The following WWOX variants were observed in gnomAD, a reference collection of about 807,000 sequenced individuals.
WWOX encodes WW domain containing oxidoreductase.
WWOX carries 69 observed loss-of-function variants against 46.2 expected under a neutral mutation model. The observed-to-expected ratio is 1.49, with a 90% CI of 1.23 to 1.82. WWOX has a LOEUF of 1.82. Among genes scored for constraint, WWOX ranks in the 40% most tolerant of loss-of-function variants. WWOX has a pLI of 0.00. For missense variants in WWOX, 919 were observed against 542.6 expected, an observed-to-expected ratio of 1.69 and a Z score of -6.89; for synonymous variants, 359 against 202.6, an observed-to-expected ratio of 1.77 and a Z score of -6.56.
intron 5 of WWOX, among the ~76,000 whole-genome samples, chr16:78,321,303 CG>C (rs2080464869): frequency 1.4e-5 from 1 of 73,558 alleles, no homozygotes; most frequent in Non-Finnish European, 3.1e-5. Context: ...TATATATATA[CG>C]TATATATATG....
At position 78,271,201 on chromosome 16, in the gene WWOX, C is replaced by T. The variant is rs545185310; in HGVS notation, c.516+106912C>T. Among the ~76,000 whole-genome samples the T allele has an allele frequency of 3.9e-5, 6 of 152,194 alleles. No individual in the cohort carries two copies. In the East Asian group the frequency reaches 5.8e-4, roughly 15 times the overall value. The stretch of plus-strand genomic sequence containing the variant: ...TTAAAACAATTACCTTTGATGATTT[C>T]GTATGTTATCCCATTCACAGATGGT... On this transcript the variant is annotated intron_variant, in intron 5 of 8. Transcript: ENST00000566780.
At chr16:78,390,341 A>G (rs928052536) in intron 6 of WWOX, among the ~76,000 whole-genome samples, 1 of 152,240 alleles carries the variant, frequency 6.6e-6, no homozygotes, top group Non-Finnish European at 1.5e-5. Context: ...TTGGGAAATC[A>G]TCAAGTTCAA....
chr16:78,310,435 G>T (rs1415430535), intron 5 of WWOX, among the ~76,000 whole-genome samples: 1 of 152,238 alleles, frequency 6.6e-6, no homozygotes, highest in African/African-American at 2.4e-5. Flanking sequence ...TCCTTGGGAA[G>T]CTAATTTGTT....
chr16:78,325,998 T>C lies in WWOX; in HGVS notation c.517-60862T>C, dbSNP rs182805508. Among the ~76,000 whole-genome samples, 200 of 152,332 alleles carry C rather than the reference T, an allele frequency of 1.3e-3. 1 individual carries two copies. The highest frequency in any genetic ancestry group is 1.2e-3 in the Non-Finnish European group (82 of 68,034). The stretch of plus-strand genomic sequence containing the variant: ...GCCCTTGTGACATGATAGGGCTCTT[T>C]TGCAGATGAGGAAATGCAGGCTCAG... On this transcript the variant is annotated intron_variant, in intron 5 of 8. Coordinates refer to ENST00000566780, the MANE Select transcript of WWOX (RefSeq NM_016373.4).
chr16:78,314,498 C>G (rs7195347), intron 5 of WWOX, among the ~76,000 whole-genome samples: 63,354 of 147,514 alleles, frequency 0.43, 14,169 homozygotes, highest in East Asian at 0.73. Context: ...CCAAGTCCAC[C>G]TCTATCAGGA....
chr16:78,916,654 C>G (rs532657168), intron 8 of WWOX, among the ~76,000 whole-genome samples: 2 of 152,296 alleles, frequency 1.3e-5, no homozygotes, highest in East Asian at 1.9e-4. Context: ...GTCATTCTGT[C>G]TGTTAGTAAA....
rs1459842559 is a variant in WWOX, at chr16:78,823,236, GC to G, written c.1057-388370del. Among the ~76,000 whole-genome samples, 3 of 152,326 alleles carry G rather than the reference GC, an allele frequency of 2.0e-5. No homozygotes were observed. In the East Asian group the frequency reaches 5.8e-4, roughly 29 times the overall value. ...GCCTTGGATGGTGCTGTATAGAAAT[GC>G]CTTAATGATGCTGGCAGATGTTTGC... On this transcript the variant is annotated intron_variant, in intron 8 of 8. Coordinates refer to ENST00000566780, the MANE Select transcript of WWOX (RefSeq NM_016373.4).
chr16:78,232,025 T>C lies in WWOX; in HGVS notation c.516+67736T>C, dbSNP rs539828982. ...GGATGTACCTGTGAATAAGGCAAGT[T>C]CCTTTTTATCATTGTCTTTGCAGTC... On this transcript the variant is annotated intron_variant, in intron 5 of 8. Transcript: ENST00000566780. Among the ~76,000 whole-genome samples the C allele has an allele frequency of 4.3e-4, 66 of 152,200 alleles. 1 individual carries two copies. Among genetic ancestry groups the C allele is most frequent in the Admixed American group, 1.9e-3 (29 of 15,284 alleles).
At chr16:78,376,561 C>T (rs1208075697) in intron 5 of WWOX, among the ~76,000 whole-genome samples, 2 of 152,120 alleles carry the variant, frequency 1.3e-5, no homozygotes, top group African/African-American at 4.8e-5. Context: ...TTGGGGTGAA[C>T]CGAAGTGCCT....
intron 8 of WWOX, among the ~76,000 whole-genome samples, chr16:78,752,534 G>C (rs1007972684): frequency 6.6e-6 from 1 of 152,184 alleles, no homozygotes; most frequent in East Asian, 1.9e-4. Flanking sequence ...GCTTCCCAAA[G>C]TGCTGAGATT....
At chr16:78,849,210 C>T (rs898457225) in intron 8 of WWOX, among the ~76,000 whole-genome samples, 1 of 152,154 alleles carries the variant, frequency 6.6e-6, no homozygotes, top group African/African-American at 2.4e-5. Context: ...TGGGAGCACT[C>T]ACCTTTGGGC....
intron 8 of WWOX, among the ~76,000 whole-genome samples, chr16:78,516,076 A>G (rs1181855479): frequency 6.6e-6 from 1 of 151,620 alleles, no homozygotes; most frequent in Non-Finnish European, 1.5e-5. Context: ...TGCTCATCCC[A>G]ATTATTGAAA....
At chr16:78,501,661 C>T (rs1341730651) in intron 8 of WWOX, among the ~76,000 whole-genome samples, 2 of 151,980 alleles carry the variant, frequency 1.3e-5, no homozygotes, top group Non-Finnish European at 1.5e-5. Context: ...CTCAGCCTTC[C>T]GAGTAACTAG....
chr16:78,859,027 AATATATATATATATATATATATG>A (rs1463941488), intron 8 of WWOX, among the ~76,000 whole-genome samples: 4 of 23,688 alleles, frequency 1.7e-4, no homozygotes, highest in Admixed American at 6.6e-4. Context: ...AAAAAAAAAA[AATATATATATATATATATATATG>A]TATATATATA....
chr16:79,183,390 A>G (rs954908089), intron 8 of WWOX, among the ~76,000 whole-genome samples: 12 of 152,252 alleles, frequency 7.9e-5, no homozygotes, highest in African/African-American at 2.9e-4. Flanking sequence ...CCACCGTGCT[A>G]TGAAATGCTA....
At chr16:78,853,757 C>T (rs1043946977) in intron 8 of WWOX, among the ~76,000 whole-genome samples, 11 of 152,072 alleles carry the variant, frequency 7.2e-5, no homozygotes. Context: ...AAGCATGTAT[C>T]TACATCCCAG....
At chr16:78,845,705 C>T (rs1196349302) in intron 8 of WWOX, among the ~76,000 whole-genome samples, 1 of 152,078 alleles carries the variant, frequency 6.6e-6, no homozygotes, top group Non-Finnish European at 1.5e-5. Context: ...GGAAGAATGG[C>T]CTTCCAGACA....
chr16:78,600,080 C>T (rs1394718674), intron 8 of WWOX, among the ~76,000 whole-genome samples: 1 of 152,056 alleles, frequency 6.6e-6, no homozygotes, highest in Non-Finnish European at 1.5e-5. Flanking sequence ...TGGTTGGCAG[C>T]AGGCAAAGAG....
chr16:79,099,725 C>A (rs2049153587), intron 8 of WWOX, among the ~76,000 whole-genome samples: 1 of 152,208 alleles, frequency 6.6e-6, no homozygotes, highest in Admixed American at 6.5e-5. Context: ...GAACTTTTTG[C>A]AGTGTACAAA....
Sources: allele counts gnomAD v4.1 joint callset (sites outside exome capture counted in the v4.1 genomes callset), GRCh38; gene constraint gnomAD v4.1.1; transcripts MANE v1.5; gene names NCBI Gene and HGNC (gene_info 2026-07-23, HGNC 2026-07-21).